The following ASCC3 variants were observed in gnomAD, a reference collection of about 807,000 sequenced individuals.
The protein encoded by ASCC3 is ASC-1 complex subunit P200.
In ASCC3, 158 loss-of-function variants were observed where a neutral mutation model predicts 256.3. The observed-to-expected ratio is 0.62, with a 90% CI of 0.54 to 0.70. The LOEUF (loss-of-function observed/expected upper bound fraction) is 0.70, where lower values mean the gene tolerates loss of function less well. Among genes scored for constraint, ASCC3 ranks in the 30% least tolerant of loss-of-function variants. The pLI is 0.00. For missense variants in ASCC3, 2,259 were observed against 2,626.0 expected, an observed-to-expected ratio of 0.86 and a Z score of 3.05; for synonymous variants, 948 against 883.4, an observed-to-expected ratio of 1.07 and a Z score of -1.30.
At chr6:100,561,851 A>G (rs1261096402) in intron 36 of ASCC3, among the ~76,000 whole-genome samples, 1 of 152,136 alleles carries the variant, frequency 6.6e-6, no homozygotes, top group Non-Finnish European at 1.5e-5. Flanking sequence ...CCTAAATCTA[A>G]AAGTTGAAGC....
chr6:100,743,882 A>G (rs1780549367), intron 10 of ASCC3, among the ~76,000 whole-genome samples: 1 of 152,208 alleles, frequency 6.6e-6, no homozygotes, highest in African/African-American at 2.4e-5. Flanking sequence ...AAATCTTTAA[A>G]ATAATGCCTG....
At chr6:100,641,853 G>A (rs1775134340) in intron 24 of ASCC3, among the ~76,000 whole-genome samples, 1 of 152,134 alleles carries the variant, frequency 6.6e-6, no homozygotes, top group African/African-American at 2.4e-5. Context: ...ATGAGTGCAT[G>A]TCCTTTGTAG....
At chr6:100,734,389 T>A (rs1034995049) in intron 10 of ASCC3, among the ~76,000 whole-genome samples, 1 of 152,164 alleles carries the variant, frequency 6.6e-6, no homozygotes, top group Non-Finnish European at 1.5e-5. Context: ...GAAGTCCTTT[T>A]TATTAACTAC....
At chr6:100,772,110 T>C (rs1781964958) in intron 8 of ASCC3, among the ~76,000 whole-genome samples, 1 of 152,022 alleles carries the variant, frequency 6.6e-6, no homozygotes, top group Non-Finnish European at 1.5e-5. Context: ...CTAGATTTAC[T>C]GACCTCGTGA....
At chr6:100,643,526 G>A (rs944066165) in intron 23 of ASCC3, among the ~76,000 whole-genome samples, 4 of 152,052 alleles carry the variant, frequency 2.6e-5, no homozygotes, top group African/African-American at 4.8e-5. Context: ...GTGTCATTAC[G>A]TAATTTTGTC....
At chr6:100,633,242 AAC>A (rs1774647609) in intron 25 of ASCC3, among the ~76,000 whole-genome samples, 2 of 152,168 alleles carry the variant, frequency 1.3e-5, no homozygotes, top group South Asian at 4.1e-4. Context: ...TTCAGCCTGG[AAC>A]ATGAATCATC....
Position 100,662,527 on chromosome 6 carries a change from A to G in ASCC3, c.2296T>C (p.Ser766Pro), listed in dbSNP as rs773368984. 85 of 1,612,664 alleles carry G rather than the reference A, an allele frequency of 5.3e-5. No homozygotes were observed. The highest frequency in any genetic ancestry group is 6.7e-5 in the Non-Finnish European group (79 of 1,179,162). ...YVLAEKQVQR[S>P]RNKQVRELFP... Reference sequence around the variant, plus strand: ...AATTCTCGTACTTGCTTATTTCTCGACCTTTGTACCTAGATACCAAGAAAG... The same window carrying G: ...AATTCTCGTACTTGCTTATTTCTCGGCCTTTGTACCTAGATACCAAGAAAG... Residue 766 changes from serine (S) to proline (P), a missense_variant, in exon 15 of 42, where the codon TCG becomes CCG. Coordinates refer to ENST00000369162, the MANE Select transcript of ASCC3 (RefSeq NM_006828.4).
At chr6:100,596,842 G>A (rs1027397854) in intron 34 of ASCC3, among the ~76,000 whole-genome samples, 6 of 152,044 alleles carry the variant, frequency 3.9e-5, no homozygotes, top group African/African-American at 1.4e-4. Flanking sequence ...CATCCAGAAC[G>A]AAAGTCAAAA....
chr6:100,589,815 C>T (rs765271941), intron 35 of ASCC3, 47 bp from the exon 36 acceptor site: 1 of 1,610,064 alleles, frequency 6.2e-7, no homozygotes, highest in Non-Finnish European at 8.5e-7. Context: ...AAGTACATAT[C>T]TTTATAAAAT....
At chr6:100,864,255 T>C in intron 2 of ASCC3, 41 bp from the exon 3 acceptor site, 1 of 1,516,776 alleles carries the variant, frequency 6.6e-7, no homozygotes, top group South Asian at 1.1e-5. Flanking sequence ...CTGCTTAAAG[T>C]TCTTCTCAAC....
chr6:100,704,417 G>C (rs956497967), intron 13 of ASCC3, among the ~76,000 whole-genome samples: 1 of 151,946 alleles, frequency 6.6e-6, no homozygotes, highest in Non-Finnish European at 1.5e-5. Flanking sequence ...CTGAGAATTA[G>C]AGATGCTTAT....
At chr6:100,814,209 T>C (rs1770630298) in intron 4 of ASCC3, among the ~76,000 whole-genome samples, 1 of 152,206 alleles carries the variant, frequency 6.6e-6, no homozygotes, top group African/African-American at 2.4e-5. Flanking sequence ...ATGTGGTTTT[T>C]GTCTTTAGTT....
intron 4 of ASCC3, among the ~76,000 whole-genome samples, chr6:100,845,511 T>G (rs1772341458): frequency 6.6e-6 from 1 of 152,136 alleles, no homozygotes; most frequent in African/African-American, 2.4e-5. Flanking sequence ...GTGTAACCTT[T>G]TCAGTTCTTA....
intron 1 of ASCC3, among the ~76,000 whole-genome samples, chr6:100,871,348 C>T (rs1406298875): frequency 6.6e-6 from 1 of 152,182 alleles, no homozygotes; most frequent in African/African-American, 2.4e-5. Flanking sequence ...CCCGCCTCGG[C>T]CTCCTAAAGT....
At chr6:100,576,357 C>T (rs1347662316) in intron 36 of ASCC3, among the ~76,000 whole-genome samples, 4 of 151,964 alleles carry the variant, frequency 2.6e-5, no homozygotes, top group Non-Finnish European at 4.4e-5. Context: ...ACTTATAATT[C>T]TAGTTACAAG....
chr6:100,798,811 C>G lies in ASCC3; in HGVS notation c.1297G>C (p.Glu433Gln), dbSNP rs1209634172. Residue 433 changes from glutamate to glutamine, a missense_variant, in exon 8 of 42, where the codon GAG becomes CAG. Glu to Gln is a conservative substitution (Grantham distance 29). Around this residue, in one of 2 missense-constraint regions of ASCC3, gnomAD observed 1,839 missense variants for 2,206.7 expected, o/e 0.83. Transcript: ENST00000369162. ...KMILPEGIQRENNKLYEEVRI... is the reference protein window; with the variant it reads ...KMILPEGIQRQNNKLYEEVRI... Reference sequence around the variant, plus strand: ...ACTTCTTCATAAAGCTTGTTATTCTCTCTTTGGATTCCTTCTGGCAAAATC... The same window carrying G: ...ACTTCTTCATAAAGCTTGTTATTCTGTCTTTGGATTCCTTCTGGCAAAATC... The G allele has an allele frequency of 1.2e-6, 2 of 1,612,646 alleles. No homozygotes were observed. The highest frequency in any genetic ancestry group is 8.5e-7 in the Non-Finnish European group (1 of 1,179,438).
intron 8 of ASCC3, among the ~76,000 whole-genome samples, chr6:100,795,946 G>C (rs1769590111): frequency 6.6e-6 from 1 of 152,090 alleles, no homozygotes; most frequent in African/African-American, 2.4e-5. Flanking sequence ...CCCAATGTCT[G>C]TATTATTACT....
At chr6:100,760,539 T>C (rs966201036) in intron 10 of ASCC3, among the ~76,000 whole-genome samples, 3 of 152,172 alleles carry the variant, frequency 2.0e-5, no homozygotes, top group African/African-American at 7.2e-5. Flanking sequence ...GACAAGACTT[T>C]TAAAGTAATT....
At chr6:100,776,305 T>C (rs1782185578) in intron 8 of ASCC3, among the ~76,000 whole-genome samples, 1 of 152,142 alleles carries the variant, frequency 6.6e-6, no homozygotes. Flanking sequence ...TTAAGTGCTT[T>C]ATGTTTAATC....
Sources: gnomAD v4.1 joint callset for allele counts (sites outside exome capture counted in the v4.1 genomes callset) on GRCh38, gnomAD v4.1.1 for gene constraint, gnomAD v4.1.1 regional missense constraint, MANE v1.5 for transcripts, NCBI Gene and HGNC (gene_info 2026-07-23, HGNC 2026-07-21) for gene names.